The following ARHGAP12 variants were observed in gnomAD, a reference collection of about 807,000 sequenced individuals.
ARHGAP12 encodes rho GTPase-activating protein 12.
A neutral mutation model predicts 108.6 loss-of-function variants in ARHGAP12; 64 were observed. That is an observed-to-expected ratio of 0.59 (90% CI 0.48 to 0.73). The LOEUF (loss-of-function observed/expected upper bound fraction) is 0.73. ARHGAP12 is among the 30% of genes least tolerant of loss of function. The probability of loss-of-function intolerance (pLI) is 0.00; values close to 1 mark genes in which losing one functional copy is unlikely to be tolerated. For missense variants in ARHGAP12, 940 were observed against 1,005.9 expected, an observed-to-expected ratio of 0.93 and a Z score of 0.89; for synonymous variants, 312 against 337.2, an observed-to-expected ratio of 0.93 and a Z score of 0.82.
chr10:31,920,862 A>C (rs934494774), intron 1 of ARHGAP12, among the ~76,000 whole-genome samples: 2 of 152,316 alleles, frequency 1.3e-5, no homozygotes, highest in East Asian at 3.9e-4. Context: ...AACTGAAATT[A>C]TGCAAAGTAT....
chr10:31,822,814 G>A (rs1315386604), intron 11 of ARHGAP12, among the ~76,000 whole-genome samples: 1 of 151,958 alleles, frequency 6.6e-6, no homozygotes, highest in Non-Finnish European at 1.5e-5. Flanking sequence ...AGGAGACAGG[G>A]AATTTTGTCC....
At chr10:31,926,180 T>C (rs565886084) in intron 1 of ARHGAP12, among the ~76,000 whole-genome samples, 12 of 152,296 alleles carry the variant, frequency 7.9e-5, no homozygotes, top group Non-Finnish European at 1.6e-4. Context: ...GCTTAGAGAC[T>C]ACACCATTTG....
At chr10:31,902,103 G>A (rs1272908584) in intron 3 of ARHGAP12, among the ~76,000 whole-genome samples, 1 of 152,094 alleles carries the variant, frequency 6.6e-6, no homozygotes, top group East Asian at 1.9e-4. Flanking sequence ...GAAGAATAAA[G>A]TGAGAGAAAT....
chr10:31,916,730 C>G (rs1197537538), intron 1 of ARHGAP12, among the ~76,000 whole-genome samples: 1 of 152,098 alleles, frequency 6.6e-6, no homozygotes, highest in Non-Finnish European at 1.5e-5. Flanking sequence ...GATTCTCCTG[C>G]CTCAGCCTCC....
intron 9 of ARHGAP12, among the ~76,000 whole-genome samples, chr10:31,837,617 C>A (rs982001542): frequency 6.6e-5 from 10 of 152,108 alleles, no homozygotes; most frequent in African/African-American, 2.4e-4. Flanking sequence ...AAGCAAGGCC[C>A]ACTCTAGGCA....
chr10:31,895,350 T>C (rs1838635934), intron 3 of ARHGAP12, among the ~76,000 whole-genome samples: 1 of 152,200 alleles, frequency 6.6e-6, no homozygotes. Context: ...AATCTACTTA[T>C]CTGACAAACG....
intron 6 of ARHGAP12, among the ~76,000 whole-genome samples, chr10:31,844,073 A>G (rs1836363493): frequency 6.6e-6 from 1 of 152,216 alleles, no homozygotes. Context: ...ATTAAATTCA[A>G]AATGAACTAG....
rs547358819 is a variant in ARHGAP12, at chr10:31,889,496, T to A, written c.684+18676A>T. Among the ~76,000 whole-genome samples, 4 of 152,274 alleles carry A rather than the reference T, an allele frequency of 2.6e-5. No homozygotes were observed. In the East Asian group the frequency reaches 7.7e-4, roughly 29 times the overall value. Reference sequence around the variant, plus strand: ...CACTCAAATAAATGAAGGTATTACTTTCTACTTTCTAAAAATGTTTTTAAT... The same window carrying A: ...CACTCAAATAAATGAAGGTATTACTATCTACTTTCTAAAAATGTTTTTAAT... On this transcript the variant is annotated intron_variant, in intron 3 of 19. Coordinates refer to ENST00000344936, the MANE Select transcript of ARHGAP12 (RefSeq NM_018287.7).
intron 9 of ARHGAP12, among the ~76,000 whole-genome samples, chr10:31,836,404 T>TA (rs1271600759): frequency 6.6e-6 from 1 of 152,154 alleles, no homozygotes; most frequent in Non-Finnish European, 1.5e-5. Flanking sequence ...TATTGACTTT[T>TA]AAAAAATGTA....
Position 31,908,240 on chromosome 10 carries a change from A to C in ARHGAP12, c.616T>G (p.Ser206Ala). The C allele has an allele frequency of 2.5e-6, 4 of 1,613,924 alleles. No individual in the cohort carries two copies. Among genetic ancestry groups the C allele is most frequent in the Non-Finnish European group, 3.4e-6 (4 of 1,179,978 alleles). Residue 206 changes from serine (S) to alanine (A), a missense_variant, in exon 3 of 20, where the codon TCT (serine) becomes GCT (alanine). Coordinates refer to ENST00000344936, the MANE Select transcript of ARHGAP12 (RefSeq NM_018287.7). Reference protein sequence around the residue: ...EQSCDSAGEGSERIHQDSESG... With the variant: ...EQSCDSAGEGAERIHQDSESG... ...TCAGAATCTTGATGTATTCTTTCAG[A>C]GCCTTCTCCTGCGGAATCACAAGAT...
chr10:31,904,678 G>A (rs1839055675), intron 3 of ARHGAP12, among the ~76,000 whole-genome samples: 1 of 152,168 alleles, frequency 6.6e-6, no homozygotes, highest in African/African-American at 2.4e-5. Flanking sequence ...CCAAGCTGGA[G>A]TGCAATGGTG....
chr10:31,806,458 A>G lies in ARHGAP12; in HGVS notation c.*1200T>C, dbSNP rs1288651067. 1 of 152,632 alleles carries G rather than the reference A, an allele frequency of 6.6e-6. No individual in the cohort carries two copies. The highest frequency in any genetic ancestry group is 1.5e-5 in the Non-Finnish European group (1 of 68,028). 9.5% of individuals were successfully genotyped at this position (152,632 alleles called of 1,614,324 possible). ...TACAAAGCAATCTACATTAGTAGGT[A>G]AAAAGAAATTCTCAAATTTAGCAAT... On this transcript the variant is annotated 3_prime_UTR_variant, in exon 20 of 20. Transcript: ENST00000344936.
chr10:31,900,350 T>C (rs1398259274), intron 3 of ARHGAP12, among the ~76,000 whole-genome samples: 1 of 152,174 alleles, frequency 6.6e-6, no homozygotes, highest in African/African-American at 2.4e-5. Context: ...GAGTTAAACA[T>C]ACCATACATC....
At chr10:31,911,609 C>T (rs557331608) in intron 1 of ARHGAP12, among the ~76,000 whole-genome samples, 4 of 152,120 alleles carry the variant, frequency 2.6e-5, no homozygotes, top group Non-Finnish European at 5.9e-5. Context: ...CACACCCAGC[C>T]TACTTACTAA....
chr10:31,870,868 T>C (rs1346272914), intron 3 of ARHGAP12, among the ~76,000 whole-genome samples: 1 of 152,242 alleles, frequency 6.6e-6, no homozygotes, highest in African/African-American at 2.4e-5. Flanking sequence ...TCAAGCTCTA[T>C]AGAGTACACT....
chr10:31,874,642 GTAGT>G (rs929487147), intron 3 of ARHGAP12, among the ~76,000 whole-genome samples: 8 of 152,060 alleles, frequency 5.3e-5, no homozygotes, highest in African/African-American at 1.9e-4. Flanking sequence ...TTTAAAATAG[GTAGT>G]TAGACACACA....
In ARHGAP12 at chr10:31,806,524, T is replaced by A. The variant is rs1361281087; in HGVS notation, c.*1134A>T. On this transcript the variant is annotated 3_prime_UTR_variant, in exon 20 of 20. Coordinates refer to ENST00000344936, the MANE Select transcript of ARHGAP12 (RefSeq NM_018287.7). ...ACATCCATCTAATTTACAGATGGGT[T>A]TCCACTATTCATACTGGAATTAGAA... is the stretch of plus-strand genomic sequence containing the variant. 1 of 152,624 alleles carries A rather than the reference T, an allele frequency of 6.6e-6. No homozygotes were observed. The allele number at this position is 152,624 out of a possible 1,614,324, so 9.5% of individuals were successfully genotyped here.
chr10:31,899,690 C>A (rs879664736), intron 3 of ARHGAP12, among the ~76,000 whole-genome samples: 2 of 152,052 alleles, frequency 1.3e-5, no homozygotes, highest in Non-Finnish European at 2.9e-5. Context: ...GAAAATGAAC[C>A]TAAAGACCTT....
At position 31,828,208 on chromosome 10, in the gene ARHGAP12, A is replaced by G. The variant is rs529219610; in HGVS notation, c.1449-1823T>C. Among the ~76,000 whole-genome samples the G allele has an allele frequency of 2.7e-5, 3 of 111,256 alleles. No homozygotes were observed. The South Asian group carries it at 9.0e-4, about 33-fold the overall frequency. 73.0% of individuals were successfully genotyped at this position (111,256 alleles called of 152,430 possible). On this transcript the variant is annotated intron_variant, in intron 10 of 19. Transcript: ENST00000344936. ...TTGCTTTACTTTCTATACCTTTGAC[A>G]CACCTTATTGCTTTTTTTTTTCAAC...
Sources: gnomAD v4.1 joint callset for allele counts (sites outside exome capture counted in the v4.1 genomes callset) on GRCh38, gnomAD v4.1.1 for gene constraint, MANE v1.5 for transcripts, NCBI Gene and HGNC (gene_info 2026-07-23, HGNC 2026-07-21) for gene names.